Variants in PATJ observed in about 807,000 individuals in gnomAD.
PATJ encodes the protein inaD-like protein.
A neutral mutation model predicts 224.9 loss-of-function variants in PATJ; 190 were observed. That is an observed-to-expected ratio of 0.84 (90% CI 0.75 to 0.95). The LOEUF is 0.95. PATJ is among the 40% of genes least tolerant of loss of function. PATJ has a pLI of 0.00. For synonymous variants in PATJ, 769 were observed against 820.3 expected (o/e 0.94, Z 1.07); for missense variants, 2,121 against 2,270.3 (o/e 0.93, Z 1.34).
At chr1:61,758,908 G>T (rs2148258639) in intron 1 of PATJ, among the ~76,000 whole-genome samples, 1 of 152,204 alleles carries the variant, frequency 6.6e-6, no homozygotes, top group South Asian at 2.1e-4. Flanking sequence ...CTGCCAAGGG[G>T]AATCTCTAGT....
chr1:61,764,071 G>A lies in PATJ; in HGVS notation c.189+892G>A, dbSNP rs192513466. On this transcript the variant is annotated intron_variant, in intron 3 of 43. Transcript: ENST00000642238. ...GACGGGGTTTCACTGTGTTAGCCAGGATGGTCTGTATCTCCTGACCTTGTG... is the reference window on the plus strand; with the variant it reads ...GACGGGGTTTCACTGTGTTAGCCAGAATGGTCTGTATCTCCTGACCTTGTG... Among the ~76,000 whole-genome samples, 286 of 150,890 alleles carry A rather than the reference G, an allele frequency of 1.9e-3. 1 individual carries two copies. Among genetic ancestry groups the A allele is most frequent in the Non-Finnish European group, 2.7e-3 (183 of 67,822 alleles).
chr1:61,932,732 TCTA>T (rs1424244218), intron 27 of PATJ, among the ~76,000 whole-genome samples: 1 of 152,112 alleles, frequency 6.6e-6, no homozygotes, highest in East Asian at 1.9e-4. Flanking sequence ...AAACCCCGTC[TCTA>T]CTAAAAATAC....
intron 9 of PATJ, among the ~76,000 whole-genome samples, chr1:61,794,276 G>A (rs527735100): frequency 1.3e-5 from 2 of 151,870 alleles, no homozygotes; most frequent in South Asian, 4.2e-4. Flanking sequence ...CTCCAGAGTA[G>A]CTGGAATTAC....
chr1:62,141,939 C>A (rs2149000372), intron 41 of PATJ, among the ~76,000 whole-genome samples: 1 of 152,224 alleles, frequency 6.6e-6, no homozygotes, highest in South Asian at 2.1e-4. Flanking sequence ...CATTGCACTG[C>A]AGCCTGGGCA....
rs143034574 is a variant in PATJ, at chr1:61,943,700, C to G, written c.3670+15871C>G. Among the ~76,000 whole-genome samples, 817 of 152,302 alleles carry G rather than the reference C, an allele frequency of 5.4e-3. 5 individuals are homozygous for G. The highest frequency in any genetic ancestry group is 0.027 in the Middle Eastern group (8 of 294). ...AAAAGGCAGCAGAAACTTCTGCAGA[C>G]TTAAACGTCCGTGTCTGACAGCTTT... On this transcript the variant is annotated intron_variant, in intron 27 of 43. Transcript: ENST00000642238.
chr1:61,984,920 A>G (rs1204740064), intron 27 of PATJ, among the ~76,000 whole-genome samples: 1 of 152,054 alleles, frequency 6.6e-6, no homozygotes, highest in African/African-American at 2.4e-5. Flanking sequence ...TTCCCTTTGT[A>G]TCACAAGCCT....
rs567713561 is a variant in PATJ at position 61,977,884 on chromosome 1, C to CA, written c.3671-12269dup. On this transcript the variant is annotated intron_variant, in intron 27 of 43. Coordinates refer to ENST00000642238, the MANE Select transcript of PATJ (RefSeq NM_001350145.3). ...CTAGCCTGGGCAACATAGTAAGACT[C>CA]AAAAAAAAAAAAAAACTTAAAAAAA... Among the ~76,000 whole-genome samples the CA allele has an allele frequency of 5.6e-3, 423 of 75,588 alleles. 1 individual carries two copies. Among genetic ancestry groups the CA allele is most frequent in the Admixed American group, 8.0e-3 (53 of 6,622 alleles). The allele number at this position is 75,588 out of a possible 152,430, so 49.6% of individuals were successfully genotyped here. A position where few individuals can be genotyped will look rare whatever the true frequency, so the allele number is the denominator to read the frequency against.
intron 21 of PATJ, among the ~76,000 whole-genome samples, chr1:61,883,625 A>G (rs559200306): frequency 2.0e-5 from 3 of 151,908 alleles, no homozygotes; most frequent in Non-Finnish European, 4.4e-5. Context: ...CATGCAACAC[A>G]ACACCTGTAG....
intron 33 of PATJ, among the ~76,000 whole-genome samples, chr1:62,088,251 C>T (rs138106044): frequency 3.0e-4 from 45 of 152,242 alleles, no homozygotes; most frequent in African/African-American, 9.4e-4. Context: ...CTTTGACTAG[C>T]GCCAGCCACC....
At chr1:62,069,890 A>AT (rs952136965) in intron 31 of PATJ, among the ~76,000 whole-genome samples, 10 of 129,488 alleles carry the variant, frequency 7.7e-5, no homozygotes, top group African/African-American at 2.4e-4. Context: ...TGCATTCTTA[A>AT]TAAAAAAATG....
intron 31 of PATJ, among the ~76,000 whole-genome samples, chr1:62,057,016 A>G (rs1654664673): frequency 6.6e-6 from 1 of 152,106 alleles, no homozygotes; most frequent in South Asian, 2.1e-4. Context: ...TAGTTGAGAC[A>G]GGGTTTCACC....
intron 14 of PATJ, among the ~76,000 whole-genome samples, chr1:61,813,356 T>C (rs866438201): frequency 2.0e-5 from 1 of 49,376 alleles, no homozygotes; most frequent in African/African-American, 6.2e-5. Flanking sequence ...TATATATATA[T>C]ATATATATAT....
intron 33 of PATJ, among the ~76,000 whole-genome samples, chr1:62,104,352 CTT>C (rs1662616696): frequency 6.6e-6 from 1 of 152,070 alleles, no homozygotes; most frequent in Non-Finnish European, 1.5e-5. Context: ...AACCCAGTAT[CTT>C]TTTTACTCTT....
At chr1:62,152,847 G>A (rs1668766693) in intron 42 of PATJ, among the ~76,000 whole-genome samples, 2 of 151,682 alleles carry the variant, frequency 1.3e-5, no homozygotes, top group South Asian at 4.2e-4. Context: ...AAGTTTAAAA[G>A]TTAAAAACTG....
intron 20 of PATJ, among the ~76,000 whole-genome samples, chr1:61,871,557 ATTTTT>A (rs71582650): frequency 0.23 from 12,460 of 53,764 alleles, 692 homozygotes; most frequent in East Asian, 0.41. Context: ...ATATATATAT[ATTTTT>A]TTTTTTTTTT....
In PATJ at chr1:61,965,022, G is replaced by A. The variant is rs1052198756; in HGVS notation, c.3671-25146G>A. ...AGCTGCTCGGGAGGCTGAGGTGAGAGAATTGCTTGAACCCGAAAGGTGGAG... is the reference window on the plus strand; with the variant it reads ...AGCTGCTCGGGAGGCTGAGGTGAGAAAATTGCTTGAACCCGAAAGGTGGAG... On this transcript the variant is annotated intron_variant, in intron 27 of 43. Coordinates refer to ENST00000642238, the MANE Select transcript of PATJ (RefSeq NM_001350145.3). 4.7e-5 allele frequency among the ~76,000 whole-genome samples: 7 copies of A among 148,044 alleles called. No individual in the cohort carries two copies. The East Asian group carries it at 1.2e-3, about 26-fold the overall frequency.
intron 27 of PATJ, among the ~76,000 whole-genome samples, chr1:61,982,180 C>T (rs894179468): frequency 6.6e-6 from 1 of 152,006 alleles, no homozygotes; most frequent in Non-Finnish European, 1.5e-5. Flanking sequence ...GGTCAGAACA[C>T]ATAATCCTGC....
chr1:62,003,666 T>G (rs2365737), intron 28 of PATJ, among the ~76,000 whole-genome samples: 27,822 of 152,174 alleles, frequency 0.18, 2,713 homozygotes, highest in Non-Finnish European at 0.21. Flanking sequence ...AAAATTAATG[T>G]GATAATTTAT....
intron 1 of PATJ, among the ~76,000 whole-genome samples, chr1:61,756,671 C>T (rs372500000): frequency 5.3e-5 from 8 of 150,532 alleles, no homozygotes; most frequent in Middle Eastern, 6.9e-3. Context: ...CTCTGCCTCC[C>T]GGGTTCAAGT....
Sources: gnomAD v4.1 joint callset for allele counts (sites outside exome capture counted in the v4.1 genomes callset) on GRCh38, gnomAD v4.1.1 for gene constraint, MANE v1.5 for transcripts, NCBI Gene and HGNC (gene_info 2026-07-23, HGNC 2026-07-21) for gene names.